The following PRKN variants were observed in gnomAD, a reference collection of about 807,000 sequenced individuals.
PRKN encodes parkin RBR E3 ubiquitin protein ligase, also known as E3 ubiquitin-protein ligase parkin.
Under a neutral mutation model 59.5 loss-of-function variants are expected in PRKN, and 56 were observed. The observed-to-expected ratio is 0.94, with a 90% CI of 0.76 to 1.18. PRKN has a LOEUF of 1.18. Ranked by LOEUF, PRKN falls within the 50% of genes most tolerant of loss-of-function variation. PRKN has a pLI of 0.00. For synonymous variants in PRKN, 250 were observed against 222.1 expected, an observed-to-expected ratio of 1.13 and a Z score of -1.12; for missense variants, 657 against 596.4, an observed-to-expected ratio of 1.10 and a Z score of -1.06.
At chr6:162,661,530 C>CAA (rs575004949) in intron 1 of PRKN, among the ~76,000 whole-genome samples, 1 of 152,058 alleles carries the variant, frequency 6.6e-6, no homozygotes, top group South Asian at 2.1e-4. Context: ...TGGCGGTGGC[C>CAA]TTATTAGGCA....
chr6:161,866,546 G>A (rs1794119056), intron 6 of PRKN, among the ~76,000 whole-genome samples: 1 of 152,050 alleles, frequency 6.6e-6, no homozygotes, highest in Non-Finnish European at 1.5e-5. Flanking sequence ...CTGCACTCTA[G>A]CCTGGGCGAC....
At chr6:162,301,510 A>G (rs1329629813) in intron 2 of PRKN, among the ~76,000 whole-genome samples, 1 of 152,104 alleles carries the variant, frequency 6.6e-6, no homozygotes, top group Non-Finnish European at 1.5e-5. Flanking sequence ...GCAGATTGCA[A>G]GTCCAAAATC....
At chr6:162,196,774 A>T (rs532071757) in intron 4 of PRKN, among the ~76,000 whole-genome samples, 4 of 152,324 alleles carry the variant, frequency 2.6e-5, no homozygotes, top group African/African-American at 9.6e-5. Context: ...TATCATATTA[A>T]ATGTGAAACA....
At chr6:162,221,183 T>C (rs1173494958) in intron 3 of PRKN, among the ~76,000 whole-genome samples, 1 of 152,214 alleles carries the variant, frequency 6.6e-6, no homozygotes, top group Non-Finnish European at 1.5e-5. Context: ...ATGATGTGTA[T>C]TCATTTAGTG....
At chr6:161,810,548 C>T (rs1260687106) in intron 6 of PRKN, among the ~76,000 whole-genome samples, 19 of 152,134 alleles carry the variant, frequency 1.2e-4, no homozygotes, top group Admixed American at 9.8e-4. Context: ...TATACAAAAG[C>T]TTTTTTTCTG....
In PRKN at chr6:161,488,701, G is replaced by T. The variant is rs1777431461; in HGVS notation, c.1083+60153C>A. 6.6e-6 allele frequency among the ~76,000 whole-genome samples: 1 copy of T among 152,072 alleles called. No individual in the cohort carries two copies. Among genetic ancestry groups the T allele is most frequent in the South Asian group, 2.1e-4 (1 of 4,806 alleles). ...GGGGTCTCACTATGTTGCCCAGGCTGGTCTTGAACTCGGCCTCAAGTGATC... is the reference window on the plus strand; with the variant it reads ...GGGGTCTCACTATGTTGCCCAGGCTTGTCTTGAACTCGGCCTCAAGTGATC... On this transcript the variant is annotated intron_variant, in intron 9 of 11. Coordinates refer to ENST00000366898, the MANE Select transcript of PRKN (RefSeq NM_004562.3). This position sits in a 1 kb window ranked among gnomAD's most constrained non-coding sequence, Gnocchi z 4.5.
At chr6:162,111,640 A>G (rs1780444536) in intron 4 of PRKN, among the ~76,000 whole-genome samples, 1 of 152,062 alleles carries the variant, frequency 6.6e-6, no homozygotes, top group South Asian at 2.1e-4. Context: ...AGATAAAGAA[A>G]TGGTGCATAG....
intron 6 of PRKN, among the ~76,000 whole-genome samples, chr6:161,803,434 C>T (rs1458907865): frequency 6.6e-6 from 1 of 152,178 alleles, no homozygotes; most frequent in African/African-American, 2.4e-5. Context: ...GTGGCATGTG[C>T]TTGTTTGGTG....
At chr6:161,754,935 G>T (rs911295230) in intron 7 of PRKN, among the ~76,000 whole-genome samples, 1 of 152,162 alleles carries the variant, frequency 6.6e-6, no homozygotes, top group African/African-American at 2.4e-5. Context: ...GGCAGAGCCT[G>T]GTTTGAGAAT....
At chr6:162,586,582 G>C (rs1187297276) in intron 1 of PRKN, among the ~76,000 whole-genome samples, 1 of 152,168 alleles carries the variant, frequency 6.6e-6, no homozygotes, top group Admixed American at 6.5e-5. Flanking sequence ...ATGACTATGA[G>C]TTAAGGTCAT....
chr6:161,720,425 C>T (rs947205904), intron 7 of PRKN, among the ~76,000 whole-genome samples: 2 of 152,094 alleles, frequency 1.3e-5, no homozygotes, highest in African/African-American at 4.8e-5. Context: ...TCCTCCTGTG[C>T]CCCGACACTG....
intron 6 of PRKN, among the ~76,000 whole-genome samples, chr6:161,872,804 A>G (rs1353253817): frequency 6.6e-6 from 1 of 151,896 alleles, no homozygotes; most frequent in Admixed American, 6.6e-5. Context: ...CCAGGCTCTT[A>G]TATTATATTT....
At chr6:161,358,221 C>A (rs771087816) in intron 11 of PRKN, among the ~76,000 whole-genome samples, 1 of 152,032 alleles carries the variant, frequency 6.6e-6, no homozygotes, top group Non-Finnish European at 1.5e-5. Context: ...AATATAAAGT[C>A]TTTATATAGG....
intron 9 of PRKN, among the ~76,000 whole-genome samples, chr6:161,437,784 AG>A (rs1788996211): frequency 6.6e-6 from 1 of 152,322 alleles, no homozygotes; most frequent in South Asian, 2.1e-4. Context: ...TCACCTAAGC[AG>A]GGCTAGTCTG....
rs550960599 is a variant in PRKN at position 161,363,102 on chromosome 6, C to A, written c.1168-2897G>T. Among the ~76,000 whole-genome samples the A allele has an allele frequency of 5.3e-5, 8 of 152,178 alleles. No homozygotes were observed. In the South Asian group the frequency reaches 1.5e-3, roughly 28 times the overall value. Reference sequence around the variant, plus strand: ...GCTAAAAACACAACGATTAGCCAAGCGTGGTGGTGTGCACCTGTAGTCCCA... The same window carrying A: ...GCTAAAAACACAACGATTAGCCAAGAGTGGTGGTGTGCACCTGTAGTCCCA... On this transcript the variant is annotated intron_variant, in intron 10 of 11. Coordinates refer to ENST00000366898, the MANE Select transcript of PRKN (RefSeq NM_004562.3). This position sits in a 1 kb window ranked among gnomAD's most constrained non-coding sequence, Gnocchi z 4.1.
At chr6:162,390,396 TAC>T (rs1554312764) in intron 2 of PRKN, among the ~76,000 whole-genome samples, 1,498 of 84,058 alleles carry the variant, frequency 0.018, 18 homozygotes, top group Middle Eastern at 0.03. Context: ...TATATATATA[TAC>T]ACACACACAC....
chr6:162,299,197 G>T (rs1172632256), intron 2 of PRKN, among the ~76,000 whole-genome samples: 6 of 152,192 alleles, frequency 3.9e-5, no homozygotes, highest in African/African-American at 1.4e-4. Context: ...CCTTCGGGCA[G>T]ACAGAGACAC....
At chr6:161,681,462 T>C (rs1340922372) in intron 7 of PRKN, among the ~76,000 whole-genome samples, 1 of 152,210 alleles carries the variant, frequency 6.6e-6, no homozygotes, top group Non-Finnish European at 1.5e-5. Flanking sequence ...TCTTTTTTTT[T>C]TTTCTCCTGA....
intron 7 of PRKN, among the ~76,000 whole-genome samples, chr6:161,668,852 T>G (rs1784812556): frequency 6.6e-6 from 1 of 152,236 alleles, no homozygotes; most frequent in Non-Finnish European, 1.5e-5. Context: ...ACCCACATCC[T>G]GTGACCTGCT....
Sources: gnomAD v4.1 joint callset for allele counts (sites outside exome capture counted in the v4.1 genomes callset) on GRCh38, gnomAD v4.1.1 for gene constraint, Gnocchi (gnomAD v3.1) non-coding constraint, MANE v1.5 for transcripts, NCBI Gene and HGNC (gene_info 2026-07-23, HGNC 2026-07-21) for gene names.